ZNF219: variants seen among roughly 807,000 people sequenced by gnomAD.
ZNF219 encodes zinc finger protein 219.
A neutral mutation model predicts 54.4 loss-of-function variants in ZNF219; 17 were observed. The observed-to-expected ratio is 0.31, with a 90% CI of 0.21 to 0.47. ZNF219 has a LOEUF of 0.47. Among genes scored for constraint, ZNF219 ranks in the 20% least tolerant of loss-of-function variants. ZNF219 has a pLI of 1.00. For missense variants in ZNF219, 1,014 were observed against 1,062.3 expected (o/e 0.95, Z 0.63); for synonymous variants, 518 against 476.4 (o/e 1.09, Z -1.14).
intron 1 of ZNF219, among the ~76,000 whole-genome samples, chr14:21,097,778 C>T (rs1240350371): frequency 6.6e-6 from 1 of 152,152 alleles, no homozygotes; most frequent in African/African-American, 2.4e-5. Flanking sequence ...CTCTTTGTGA[C>T]ACTTTGTTTG....
chr14:21,090,793 C>T lies in ZNF219; in HGVS notation c.1912G>A (p.Glu638Lys), dbSNP rs1205147842. 7 of 1,580,884 alleles carry T rather than the reference C, an allele frequency of 4.4e-6. No individual in the cohort carries two copies. The highest frequency in any genetic ancestry group is 1.1e-5 in the South Asian group (1 of 87,054). ...TGGAGGGCACCCCCAGGCCCGGCCT[C>T]GCCTCCCGGCCCTGCCCGCAAGGAC... ...DLSLRAGPGG[E>K]AGPGGALHRC... The change falls in exon 5 of 5, where the codon GAG (glutamate) becomes AAG (lysine). Residue 638 changes from glutamate to lysine, a missense_variant. Transcript: ENST00000360947. The surrounding 1 kb of genome is among the most constrained non-coding windows in gnomAD (Gnocchi z 4.4).
In ZNF219 at chr14:21,093,652, T is replaced by G. The variant is rs1211093505; in HGVS notation, c.-61A>C. On this transcript the variant is annotated 5_prime_UTR_variant, in exon 2 of 5. Transcript: ENST00000360947. ...AGGGAAGAGGAGGAAAAGCTGCTAA[T>G]GAAGGCAACAGGTGCTGTGGAGCTA... 40 of 1,614,150 alleles carry G rather than the reference T, an allele frequency of 2.5e-5. No homozygotes were observed. Among genetic ancestry groups the G allele is most frequent in the Non-Finnish European group, 3.2e-5 (38 of 1,180,018 alleles).
chr14:21,101,774 TCC>T (rs1267070055), upstream of ZNF219: 5 of 1,020,098 alleles, frequency 4.9e-6, no homozygotes, highest in Admixed American at 9.7e-5. Flanking sequence ...CTGCATTCAA[TCC>T]CATTTCCTGA....
rs772302239 is a variant in ZNF219, at chr14:21,090,886, G to A, written c.1819C>T (p.Arg607Trp). ...GTCCTCCCAGGGCTGGCGGGCTTCC[G>A]ACGGGACCCCGGCCCAGCACCGCTA... ...PSSGAGPGSR[R>W]KPASPGRTLR... is the part of the protein sequence containing the mutation. Residue 607 changes from arginine to tryptophan, a missense_variant, in exon 5 of 5, where the codon CGG (arginine) becomes TGG (tryptophan). By Grantham distance (101) the Arg-to-Trp change is moderately radical. Transcript: ENST00000360947. The surrounding 1 kb of genome is among the most constrained non-coding windows in gnomAD (Gnocchi z 4.4). 1.9e-6 allele frequency: 3 copies of A among 1,550,668 alleles called. No individual in the cohort carries two copies. The highest frequency in any genetic ancestry group is 2.6e-6 in the Non-Finnish European group (3 of 1,150,246).
intron 1 of ZNF219, among the ~76,000 whole-genome samples, chr14:21,097,065 G>A (rs1019044827): frequency 1.4e-4 from 21 of 152,122 alleles, no homozygotes; most frequent in African/African-American, 1.4e-4. Context: ...CTTCTAGGGC[G>A]GTCTACGTTC....
rs1888743111 is a variant in ZNF219, at chr14:21,090,493, C to A, written c.*43G>T. 18 of 1,541,150 alleles carry A rather than the reference C, an allele frequency of 1.2e-5. No individual in the cohort carries two copies. The highest frequency in any genetic ancestry group is 1.6e-5 in the Non-Finnish European group (18 of 1,141,848). On this transcript the variant is annotated 3_prime_UTR_variant, in exon 5 of 5. Coordinates refer to ENST00000360947, the MANE Select transcript of ZNF219 (RefSeq NM_016423.3). This position sits in a 1 kb window ranked among gnomAD's most constrained non-coding sequence, Gnocchi z 4.4. ...CAACTACCTCTAGCGCTCCCCCGCTCCGGCGGGGTAAGCTCACTAAGCTAA... is the reference window on the plus strand; with the variant it reads ...CAACTACCTCTAGCGCTCCCCCGCTACGGCGGGGTAAGCTCACTAAGCTAA...
chr14:21,099,756 T>C (rs984212681), upstream of ZNF219, among the ~76,000 whole-genome samples: 1 of 152,216 alleles, frequency 6.6e-6, no homozygotes, highest in African/African-American at 2.4e-5. Context: ...GAGACTGGTA[T>C]TATTAACTTC....
chr14:21,098,012 C>A (rs1439083481), intron 1 of ZNF219, among the ~76,000 whole-genome samples: 3 of 151,196 alleles, frequency 2.0e-5, no homozygotes, highest in African/African-American at 4.9e-5. Flanking sequence ...CCGCCACATC[C>A]CCCCCGTTGG....
chr14:21,099,963 A>G (rs1889532063), upstream of ZNF219, among the ~76,000 whole-genome samples: 1 of 152,196 alleles, frequency 6.6e-6, no homozygotes, highest in African/African-American at 2.4e-5. Flanking sequence ...CCTCATCAGC[A>G]CCACTAATAG....
In ZNF219 at chr14:21,092,733, G is replaced by C; in HGVS notation, c.564C>G (p.Pro188=). 1 of 1,588,566 alleles carries C rather than the reference G, an allele frequency of 6.3e-7. No homozygotes were observed. The highest frequency in any genetic ancestry group is 1.1e-5 in the South Asian group (1 of 88,078). Residue 188 remains proline (P), a synonymous_variant, in exon 3 of 5, where the codon CCC becomes CCG. Coordinates refer to ENST00000360947, the MANE Select transcript of ZNF219 (RefSeq NM_016423.3). ...CGAAACTGCACAGGCCGCACTTCCA[G>C]GGCCTATGCAGGATGTGCAGGTGGC... ...RERHLHILHR[P]WKCGLCSFGS... is the part of the protein sequence containing the mutation.
At chr14:21,102,127 G>C, upstream of ZNF219, 2 of 1,550,366 alleles carry the variant, frequency 1.3e-6, no homozygotes, top group Non-Finnish European at 1.7e-6. Context: ...GAAGGTGAGA[G>C]GGAAGAAAAC....
At chr14:21,091,826 G>A in intron 3 of ZNF219, 39 bp downstream of exon 3, 2 of 1,490,230 alleles carry the variant, frequency 1.3e-6, no homozygotes, top group South Asian at 2.7e-5. Context: ...AGTCAGAGGA[G>A]GACGCGGCGT....
rs1888791973 is a variant in ZNF219 at position 21,090,861 on chromosome 14, G to C, written c.1844C>G (p.Thr615Ser). The C allele has an allele frequency of 1.3e-6, 2 of 1,554,704 alleles. No individual in the cohort carries two copies. Among genetic ancestry groups the C allele is most frequent in the Non-Finnish European group, 1.7e-6 (2 of 1,150,698 alleles). ...CTCACCGCCTCGCCCGTTGCGCAGGGTCCTCCCAGGGCTGGCGGGCTTCCG... is the reference window on the plus strand; with the variant it reads ...CTCACCGCCTCGCCCGTTGCGCAGGCTCCTCCCAGGGCTGGCGGGCTTCCG... Reference protein sequence around the residue: ...SRRKPASPGRTLRNGRGGEAE... With the variant: ...SRRKPASPGRSLRNGRGGEAE... Residue 615 changes from threonine to serine, a missense_variant, in exon 5 of 5, where the codon ACC becomes AGC. Transcript: ENST00000360947. This position sits in a 1 kb window ranked among gnomAD's most constrained non-coding sequence, Gnocchi z 4.4.
Position 21,092,561 on chromosome 14 carries a change from G to T in ZNF219, c.736C>A (p.Pro246Thr). 1 of 1,547,944 alleles carries T rather than the reference G, an allele frequency of 6.5e-7. No homozygotes were observed. The highest frequency in any genetic ancestry group is 8.7e-7 in the Non-Finnish European group (1 of 1,146,418). Residue 246 changes from proline (P) to threonine (T), a missense_variant, in exon 3 of 5, where the codon CCG becomes ACG. By Grantham distance (38) the Pro-to-Thr change is conservative. This residue lies in a region of ZNF219 where 395 missense variants were observed against 415.1 expected (regional missense o/e 0.95). Transcript: ENST00000360947. Reference sequence around the variant, plus strand: ...CGTTCGGGCTCCGGCTCCGGCTCCGGCTGGGGGACTGATCTGGGTTCGGGC... The same window carrying T: ...CGTTCGGGCTCCGGCTCCGGCTCCGTCTGGGGGACTGATCTGGGTTCGGGC... ...PQPEPRSVPQ[P>T]EPEPEPEREA... is the part of the protein sequence containing the mutation.
upstream of ZNF219, chr14:21,098,784 C>A: frequency 1.6e-6 from 2 of 1,282,360 alleles, no homozygotes; most frequent in Non-Finnish European, 2.0e-6. Flanking sequence ...AGCAGCACTG[C>A]CCCTCCCTCC....
chr14:21,090,520 C>T lies in ZNF219; in HGVS notation c.*16G>A, dbSNP rs200238072. The T allele has an allele frequency of 5.1e-6, 8 of 1,572,172 alleles. No individual in the cohort carries two copies. In the Admixed American group the frequency reaches 1.1e-4, roughly 21 times the overall value. ...GGCGGGGTAAGCTCACTAAGCTAAT[C>T]GCCCCTGAGGGCCCACTACCGTTCT... On this transcript the variant is annotated 3_prime_UTR_variant, in exon 5 of 5. Coordinates refer to ENST00000360947, the MANE Select transcript of ZNF219 (RefSeq NM_016423.3). This position sits in a 1 kb window ranked among gnomAD's most constrained non-coding sequence, Gnocchi z 4.4.
At position 21,093,625 on chromosome 14, in the gene ZNF219, G is replaced by A. The variant is rs1280621273; in HGVS notation, c.-34C>T. On this transcript the variant is annotated 5_prime_UTR_variant, in exon 2 of 5. Transcript: ENST00000360947. ...TTCACATTCTTTGGTTCTGGGAAGT[G>A]CAGGGAAGAGGAGGAAAAGCTGCTA... 3 of 1,614,056 alleles carry A rather than the reference G, an allele frequency of 1.9e-6. No homozygotes were observed. Among genetic ancestry groups the A allele is most frequent in the Non-Finnish European group, 8.5e-7 (1 of 1,180,028 alleles).
At position 21,090,766 on chromosome 14, in the gene ZNF219, G is replaced by T; in HGVS notation, c.1939C>A (p.Arg647Ser). ...GEAGPGGALH[R>S]CLFCPFATGA... The stretch of plus-strand genomic sequence containing the variant: ...GTGGCGAACGGGCAGAAGAGGCAGC[G>T]GTGGAGGGCACCCCCAGGCCCGGCC... Residue 647 changes from arginine (R) to serine (S), a missense_variant, in exon 5 of 5, where the codon CGC (arginine) becomes AGC (serine). By Grantham distance (110) the Arg-to-Ser change is moderately radical. Transcript: ENST00000360947. The surrounding 1 kb of genome is among the most constrained non-coding windows in gnomAD (Gnocchi z 4.4). 1 of 1,603,776 alleles carries T rather than the reference G, an allele frequency of 6.2e-7. No homozygotes were observed. Among genetic ancestry groups the T allele is most frequent in the Non-Finnish European group, 8.5e-7 (1 of 1,176,074 alleles).
chr14:21,092,203 G>T lies in ZNF219; in HGVS notation c.1094C>A (p.Pro365Gln). The change falls in exon 3 of 5, where the codon CCG (proline) becomes CAG (glutamine). Residue 365 changes from proline (P) to glutamine (Q), a missense_variant. By Grantham distance (76) the Pro-to-Gln change is moderately conservative. Coordinates refer to ENST00000360947, the MANE Select transcript of ZNF219 (RefSeq NM_016423.3). ...EPLGPALLLAPAPTPAERREP... is the reference protein window; with the variant it reads ...EPLGPALLLAQAPTPAERREP... The stretch of plus-strand genomic sequence containing the variant: ...ACGGCGCTCGGCCGGGGTGGGAGCC[G>T]GGGCCAAGAGGAGCGCTGGGCCCAA... 1 of 1,435,434 alleles carries T rather than the reference G, an allele frequency of 7.0e-7. No individual in the cohort carries two copies. 88.9% of individuals were successfully genotyped at this position (1,435,434 alleles called of 1,614,324 possible). A position where few individuals can be genotyped will look rare whatever the true frequency, so the allele number is the denominator to read the frequency against.
Sources: gnomAD v4.1 joint callset for allele counts (sites outside exome capture counted in the v4.1 genomes callset) on GRCh38, gnomAD v4.1.1 for gene constraint, gnomAD v4.1.1 regional missense constraint, Gnocchi (gnomAD v3.1) non-coding constraint, MANE v1.5 for transcripts, NCBI Gene and HGNC (gene_info 2026-07-23, HGNC 2026-07-21) for gene names.